The following ADGRL2 variants were observed in gnomAD, a reference collection of about 807,000 sequenced individuals.
ADGRL2 encodes calcium-independent alpha-latrotoxin receptor 2.
In ADGRL2, 44 loss-of-function variants were observed where a neutral mutation model predicts 157.4. The observed-to-expected ratio is 0.28, with a 90% CI of 0.22 to 0.36. The LOEUF is 0.36. ADGRL2 is among the 10% of genes least tolerant of loss of function. The pLI is 1.00. For missense variants in ADGRL2, 1,510 were observed against 1,768.9 expected (o/e 0.85, Z 2.63); for synonymous variants, 585 against 624.7 (o/e 0.94, Z 0.95).
chr1:81,444,094 G>A (rs2077556854), intron 1 of ADGRL2, among the ~76,000 whole-genome samples: 1 of 152,188 alleles, frequency 6.6e-6, no homozygotes, highest in Non-Finnish European at 1.5e-5. Context: ...AGCTGCTGCA[G>A]GAAAGATTCT....
intron 3 of ADGRL2, among the ~76,000 whole-genome samples, chr1:81,637,676 A>T (rs2082140015): frequency 6.6e-6 from 1 of 152,216 alleles, no homozygotes; most frequent in African/African-American, 2.4e-5. Context: ...TTATTTTTAG[A>T]CAATTGCGTG....
chr1:81,401,542 AGTTATT>A (rs2076755653), intron 1 of ADGRL2, among the ~76,000 whole-genome samples: 1 of 152,068 alleles, frequency 6.6e-6, no homozygotes, highest in African/African-American at 2.4e-5. Flanking sequence ...ACTGTCCTTT[AGTTATT>A]GTATTAAAAT....
At chr1:81,806,480 T>C (rs2089171586) in intron 1 of ADGRL2, among the ~76,000 whole-genome samples, 1 of 152,168 alleles carries the variant, frequency 6.6e-6, no homozygotes, top group Admixed American at 6.5e-5. Context: ...ATTGAAGCTT[T>C]CTGTGTTTCA....
chr1:81,911,316 T>TGG (rs201315468), intron 3 of ADGRL2, among the ~76,000 whole-genome samples: 2 of 151,500 alleles, frequency 1.3e-5, no homozygotes, highest in African/African-American at 4.9e-5. Context: ...AGATAATTGT[T>TGG]GGGGGGGGCA....
rs895147106 is a variant in ADGRL2, at chr1:81,483,060, C to T, written c.-248+37971C>T. Among the ~76,000 whole-genome samples the T allele has an allele frequency of 4.6e-5, 7 of 152,082 alleles. No individual in the cohort carries two copies. In the East Asian group the frequency reaches 5.8e-4, roughly 13 times the overall value. ...ACATGCTATAGAAAGTTGACAACTG[C>T]GTGATATTAAGAAAGAATAGTCACC... On this transcript the variant is annotated intron_variant, in intron 2 of 24. Coordinates refer to the ADGRL2 transcript ENST00000370721.
intron 3 of ADGRL2, among the ~76,000 whole-genome samples, chr1:81,927,926 T>TA (rs1239333918): frequency 6.6e-5 from 10 of 151,970 alleles, no homozygotes; most frequent in South Asian, 6.2e-4. Flanking sequence ...CATTATAAAA[T>TA]AAAAAAAACT....
chr1:81,470,574 A>G (rs756086476), intron 2 of ADGRL2, among the ~76,000 whole-genome samples: 1 of 152,204 alleles, frequency 6.6e-6, no homozygotes, highest in Admixed American at 6.5e-5. Flanking sequence ...TTTCAAATAA[A>G]TCTTCTTTCG....
chr1:81,897,254 TA>T (rs2094407147), intron 2 of ADGRL2, among the ~76,000 whole-genome samples: 1 of 152,100 alleles, frequency 6.6e-6, no homozygotes, highest in Non-Finnish European at 1.5e-5. Flanking sequence ...AGGCACTGAA[TA>T]ATTGGGTAAT....
chr1:81,436,289 A>G (rs1202794745), intron 1 of ADGRL2, among the ~76,000 whole-genome samples: 1 of 152,160 alleles, frequency 6.6e-6, no homozygotes, highest in Admixed American at 6.6e-5. Flanking sequence ...ACGGTAGAGC[A>G]TGGTAAAATT....
chr1:81,945,578 C>T (rs1255608369), intron 6 of ADGRL2, among the ~76,000 whole-genome samples: 1 of 152,110 alleles, frequency 6.6e-6, no homozygotes, highest in Admixed American at 6.6e-5. Context: ...TTAGTAATGT[C>T]ATCCTCCACA....
chr1:81,381,700 A>G (rs2076347928), intron 1 of ADGRL2, among the ~76,000 whole-genome samples: 2 of 152,192 alleles, frequency 1.3e-5, no homozygotes, highest in Admixed American at 1.3e-4. Flanking sequence ...CTTCTAATAC[A>G]TTGATTCGCC....
intron 1 of ADGRL2, among the ~76,000 whole-genome samples, chr1:81,725,414 C>T (rs1248485419): frequency 6.6e-6 from 1 of 151,826 alleles, no homozygotes; most frequent in East Asian, 1.9e-4. Flanking sequence ...TAGCAGGCGC[C>T]TGTAATCCCA....
At chr1:81,473,931 T>C (rs2078222779) in intron 2 of ADGRL2, among the ~76,000 whole-genome samples, 1 of 152,210 alleles carries the variant, frequency 6.6e-6, no homozygotes. Flanking sequence ...CCTTGGTATG[T>C]GGAGTTGAGT....
intron 1 of ADGRL2, among the ~76,000 whole-genome samples, chr1:81,347,468 A>T (rs1662564920): frequency 6.6e-6 from 1 of 152,172 alleles, no homozygotes; most frequent in Non-Finnish European, 1.5e-5. Context: ...CAGAGAAAAG[A>T]TGATACTTAT....
intron 1 of ADGRL2, among the ~76,000 whole-genome samples, chr1:81,836,017 A>T (rs1398709731): frequency 3.3e-5 from 5 of 152,106 alleles, no homozygotes; most frequent in African/African-American, 1.2e-4. Flanking sequence ...TAGTAAATGC[A>T]CAGTAGGTCA....
At chr1:81,884,019 TCTTA>T (rs1294477135) in intron 2 of ADGRL2, among the ~76,000 whole-genome samples, 1 of 151,326 alleles carries the variant, frequency 6.6e-6, no homozygotes, top group African/African-American at 2.4e-5. Flanking sequence ...AGGATACATG[TCTTA>T]CTTTGTCACC....
chr1:81,977,516 A>G (rs888543838), intron 17 of ADGRL2, among the ~76,000 whole-genome samples: 13 of 151,626 alleles, frequency 8.6e-5, no homozygotes, highest in Non-Finnish European at 1.8e-4. Flanking sequence ...GTTGTCCCTG[A>G]TTTTTGCCAT....
At chr1:81,555,459 G>C (rs886583004) in intron 2 of ADGRL2, among the ~76,000 whole-genome samples, 1 of 151,886 alleles carries the variant, frequency 6.6e-6, no homozygotes, top group Non-Finnish European at 1.5e-5. Context: ...AGTAGAGATG[G>C]TGTTTCACCA....
chr1:81,505,334 G>A (rs867214283), intron 2 of ADGRL2, among the ~76,000 whole-genome samples: 1 of 151,550 alleles, frequency 6.6e-6, no homozygotes, highest in South Asian at 2.1e-4. Context: ...CTGGCACTGG[G>A]CCCATTTGAA....
Sources: gnomAD v4.1 joint callset for allele counts (sites outside exome capture counted in the v4.1 genomes callset) on GRCh38, gnomAD v4.1.1 for gene constraint, MANE v1.5 for transcripts, NCBI Gene and HGNC (gene_info 2026-07-23, HGNC 2026-07-21) for gene names.